VEPH1: variants seen among roughly 807,000 people sequenced by gnomAD.
VEPH1 encodes ventricular zone-expressed PH domain-containing protein homolog 1.
In VEPH1, 80 loss-of-function variants were observed where a neutral mutation model predicts 85.2. That is an observed-to-expected ratio of 0.94 (90% confidence interval 0.78 to 1.13). The LOEUF (loss-of-function observed/expected upper bound fraction) is 1.13, where lower values mean the gene tolerates loss of function less well. VEPH1 is among the 50% of genes most tolerant of loss of function. The probability of loss-of-function intolerance (pLI) is 0.00; values close to 1 mark genes in which losing one functional copy is unlikely to be tolerated. For synonymous variants in VEPH1, 297 were observed against 348.0 expected, an observed-to-expected ratio of 0.85 and a Z score of 1.63; for missense variants, 955 against 980.5, an observed-to-expected ratio of 0.97 and a Z score of 0.35.
intron 11 of VEPH1, among the ~76,000 whole-genome samples, chr3:157,293,304 T>C (rs1717749939): frequency 6.6e-6 from 1 of 152,182 alleles, no homozygotes. Flanking sequence ...CTATGTCCCA[T>C]TGGCTCTCAT....
At chr3:157,497,674 A>G (rs1373767870) in intron 1 of VEPH1, among the ~76,000 whole-genome samples, 1 of 152,154 alleles carries the variant, frequency 6.6e-6, no homozygotes, top group African/African-American at 2.4e-5. Context: ...AAGGAGCAGT[A>G]ATACGTGCTG....
chr3:157,345,990 G>A (rs1250196536), intron 9 of VEPH1, among the ~76,000 whole-genome samples: 1 of 151,416 alleles, frequency 6.6e-6, no homozygotes, highest in African/African-American at 2.4e-5. Flanking sequence ...GAGAACACTT[G>A]GACACAGGAA....
chr3:157,363,774 C>T lies in VEPH1; in HGVS notation c.1338-13G>A, dbSNP rs746357624. ...CAAACTTTTTGACCTAGAGTTCAAA[C>T]AAAGGGAAAGTTAAAGAAGTTGTGT... On this transcript the variant is annotated splice_polypyrimidine_tract_variant and intron_variant, in intron 8 of 13. Coordinates refer to ENST00000362010, the MANE Select transcript of VEPH1 (RefSeq NM_001167912.2). The T allele has an allele frequency of 3.6e-5, 58 of 1,604,426 alleles. No individual in the cohort carries two copies. The highest frequency in any genetic ancestry group is 4.7e-5 in the Non-Finnish European group (55 of 1,174,820).
chr3:157,316,500 A>G (rs1720768051), intron 10 of VEPH1, among the ~76,000 whole-genome samples: 1 of 150,460 alleles, frequency 6.6e-6, no homozygotes, highest in Admixed American at 6.7e-5. Flanking sequence ...TCTACATTCA[A>G]ATTTTATGTG....
At chr3:157,447,274 A>C (rs962042290) in intron 4 of VEPH1, among the ~76,000 whole-genome samples, 1 of 152,208 alleles carries the variant, frequency 6.6e-6, no homozygotes, top group Admixed American at 6.5e-5. Flanking sequence ...GATCAGATCC[A>C]AGATTTGGTT....
intron 5 of VEPH1, among the ~76,000 whole-genome samples, chr3:157,421,492 A>G (rs751161661): frequency 6.6e-6 from 1 of 152,146 alleles, no homozygotes; most frequent in Non-Finnish European, 1.5e-5. Context: ...TTAGCTTCCT[A>G]TTTCACCTGA....
intron 9 of VEPH1, among the ~76,000 whole-genome samples, chr3:157,337,801 A>G (rs1723109998): frequency 6.6e-6 from 1 of 152,202 alleles, no homozygotes; most frequent in Non-Finnish European, 1.5e-5. Flanking sequence ...AAAATGATCA[A>G]CTAAGTTTAT....
chr3:157,402,207 A>T lies in VEPH1; in HGVS notation c.906+11674T>A, dbSNP rs578253332. Among the ~76,000 whole-genome samples the T allele has an allele frequency of 3.9e-5, 6 of 152,296 alleles. No homozygotes were observed. In the East Asian group the frequency reaches 1.2e-3, roughly 29 times the overall value. ...GAAGGTAGAATTGTTTCCTTCAGGG[A>T]ACATTTGTAACTTTTGCTGTTGCCC... On this transcript the variant is annotated intron_variant, in intron 6 of 13. Transcript: ENST00000362010.
chr3:157,419,432 G>C (rs1167574032), intron 5 of VEPH1, among the ~76,000 whole-genome samples: 1 of 152,046 alleles, frequency 6.6e-6, no homozygotes, highest in Admixed American at 6.5e-5. Flanking sequence ...ATCTGACAAA[G>C]GTCTAATATC....
intron 5 of VEPH1, among the ~76,000 whole-genome samples, chr3:157,416,147 A>C (rs1731893472): frequency 6.6e-6 from 1 of 152,194 alleles, no homozygotes; most frequent in Non-Finnish European, 1.5e-5. Flanking sequence ...GCAATAAATC[A>C]AAGGAAGGTA....
intron 11 of VEPH1, among the ~76,000 whole-genome samples, chr3:157,304,677 A>T (rs373485800): frequency 2.0e-5 from 3 of 152,318 alleles, no homozygotes; most frequent in East Asian, 1.9e-4. Context: ...GAAATTAATT[A>T]TCTTAGAATC....
intron 6 of VEPH1, among the ~76,000 whole-genome samples, chr3:157,385,948 T>C (rs913312403): frequency 6.6e-6 from 1 of 152,234 alleles, no homozygotes; most frequent in Non-Finnish European, 1.5e-5. Flanking sequence ...CAAAGTTTGA[T>C]GCATTTCATT....
intron 12 of VEPH1, among the ~76,000 whole-genome samples, chr3:157,280,279 C>T (rs1225093313): frequency 6.6e-6 from 1 of 152,054 alleles, no homozygotes; most frequent in East Asian, 1.9e-4. Context: ...CTTTCCAAAG[C>T]TTCTCCTCAT....
intron 9 of VEPH1, among the ~76,000 whole-genome samples, chr3:157,331,850 A>G (rs1026780667): frequency 2.0e-5 from 3 of 152,246 alleles, no homozygotes; most frequent in Non-Finnish European, 4.4e-5. Flanking sequence ...AAGCTTTATT[A>G]TCACAGGACA....
chr3:157,493,290 G>A (rs911039842), intron 2 of VEPH1: 21 of 456,162 alleles, frequency 4.6e-5, no homozygotes, highest in South Asian at 1.9e-4. Context: ...CCTGTTCTAC[G>A]TTTCTGAAGA....
At chr3:157,427,245 A>G (rs922832661) in intron 5 of VEPH1, among the ~76,000 whole-genome samples, 1 of 152,036 alleles carries the variant, frequency 6.6e-6, no homozygotes, top group African/African-American at 2.4e-5. Flanking sequence ...CAGCCTCCCA[A>G]AGTGCTGGGA....
chr3:157,312,898 AC>A (rs1266274839), intron 11 of VEPH1, among the ~76,000 whole-genome samples: 8 of 89,730 alleles, frequency 8.9e-5, no homozygotes, highest in South Asian at 6.9e-4. Context: ...TTAAAAAAAA[AC>A]ATTTTTTTTT....
At chr3:157,319,828 G>A (rs1244307039) in intron 9 of VEPH1, among the ~76,000 whole-genome samples, 1 of 152,150 alleles carries the variant, frequency 6.6e-6, no homozygotes, top group Non-Finnish European at 1.5e-5. Context: ...ACCCACAGGA[G>A]TCTCAGATCA....
chr3:157,413,553 C>CT, intron 6 of VEPH1: 12 of 985,338 alleles, frequency 1.2e-5, no homozygotes, highest in Non-Finnish European at 1.4e-5. Context: ...TCAGTGCTCT[C>CT]TCCATTTTAA....
Sources: gnomAD v4.1 joint callset for allele counts (sites outside exome capture counted in the v4.1 genomes callset) on GRCh38, gnomAD v4.1.1 for gene constraint, MANE v1.5 for transcripts, NCBI Gene and HGNC (gene_info 2026-07-23, HGNC 2026-07-21) for gene names.